Variants in SAMD5 observed in about 807,000 individuals in gnomAD.
SAMD5 encodes the protein sterile alpha motif domain-containing protein 5.
Under a neutral mutation model 11.3 loss-of-function variants are expected in SAMD5, and 13 were observed. The observed-to-expected ratio is 1.15, with a 90% CI of 0.75 to 1.83. The LOEUF is 1.83. Ranked by LOEUF, SAMD5 falls within the 40% of genes most tolerant of loss-of-function variation. SAMD5 has a pLI of 0.00. For missense variants in SAMD5, 255 were observed against 239.1 expected, an observed-to-expected ratio of 1.07 and a Z score of -0.44; for synonymous variants, 129 against 111.3, an observed-to-expected ratio of 1.16 and a Z score of -1.00.
chr6:147,679,730 A>G (rs1790914059), intron 1 of SAMD5, among the ~76,000 whole-genome samples: 1 of 151,886 alleles, frequency 6.6e-6, no homozygotes, highest in Non-Finnish European at 1.5e-5. Flanking sequence ...TGCCTAACCC[A>G]ATATATACTG....
At chr6:147,839,315 T>A in the SAMD5 span, among the ~76,000 whole-genome samples, 3 of 152,230 alleles carry the variant, frequency 2.0e-5, no homozygotes, top group Admixed American at 6.5e-5. Flanking sequence ...CAGAGTCCTG[T>A]TACTGTTTAG....
intron 1 of SAMD5, among the ~76,000 whole-genome samples, chr6:147,644,315 G>A (rs1790364229): frequency 6.6e-6 from 1 of 152,174 alleles, no homozygotes; most frequent in African/African-American, 2.4e-5. Flanking sequence ...GGAGAGTTGG[G>A]AGTGGACCTG....
the SAMD5 span, among the ~76,000 whole-genome samples, chr6:147,769,177 CAA>C: frequency 6.6e-6 from 1 of 152,206 alleles, no homozygotes; most frequent in Non-Finnish European, 1.5e-5. Context: ...AGACACAAAG[CAA>C]AGAGACTGTG....
chr6:147,590,730 C>A (rs1256439219), intron 1 of SAMD5, among the ~76,000 whole-genome samples: 1 of 152,080 alleles, frequency 6.6e-6, no homozygotes, highest in Non-Finnish European at 1.5e-5. Flanking sequence ...GTTTAATATA[C>A]CAAGACTAGA....
chr6:147,871,225 A>T, the SAMD5 span, among the ~76,000 whole-genome samples: 3 of 151,848 alleles, frequency 2.0e-5, no homozygotes, highest in East Asian at 3.9e-4. Context: ...AACAGGATCA[A>T]TTTTTTTTTA....
chr6:147,897,977 T>TAAAAA, the SAMD5 span, among the ~76,000 whole-genome samples: 1 of 92,942 alleles, frequency 1.1e-5, no homozygotes, highest in Admixed American at 1.4e-4. Flanking sequence ...AAAAAAAAAG[T>TAAAAA]AGCCAGGTGA....
At chr6:147,712,476 C>T (rs752170616) in intron 1 of SAMD5, among the ~76,000 whole-genome samples, 20 of 152,220 alleles carry the variant, frequency 1.3e-4, no homozygotes, top group African/African-American at 2.6e-4. Flanking sequence ...ATGTTTTTTC[C>T]GCTCCACTCA....
At chr6:147,774,592 A>G in the SAMD5 span, among the ~76,000 whole-genome samples, 1 of 151,918 alleles carries the variant, frequency 6.6e-6, no homozygotes, top group Non-Finnish European at 1.5e-5. Flanking sequence ...TATTATTTTT[A>G]TTGTTATATT....
the SAMD5 span, among the ~76,000 whole-genome samples, chr6:147,866,128 T>A: frequency 2.6e-5 from 4 of 151,996 alleles, no homozygotes; most frequent in Non-Finnish European, 4.4e-5. Context: ...TTTTTCCCGA[T>A]AAACTACTTC....
chr6:147,533,355 C>T (rs1346127544), intron 1 of SAMD5, among the ~76,000 whole-genome samples: 1 of 150,236 alleles, frequency 6.7e-6, no homozygotes, highest in Non-Finnish European at 1.5e-5. Flanking sequence ...TCAGCTACTC[C>T]GGAGGCTGAG....
rs115174307 is a variant in SAMD5 at position 147,734,940 on chromosome 6, T to C, written c.163-2377T>C. On this transcript the variant is annotated intron_variant, in intron 1 of 1. Transcript: ENST00000566741. The stretch of plus-strand genomic sequence containing the variant: ...CTCTTAATTCCATCATGACTTGATA[T>C]TGGCTGCCAAAATGATATATGTGCC... 6.6e-3 allele frequency among the ~76,000 whole-genome samples: 1,000 copies of C among 152,214 alleles called. 10 individuals are homozygous for C. Among genetic ancestry groups the C allele is most frequent in the African/African-American group, 0.023 (957 of 41,524 alleles).
intron 1 of SAMD5, among the ~76,000 whole-genome samples, chr6:147,630,880 C>A (rs560536996): frequency 1.3e-5 from 2 of 152,278 alleles, no homozygotes; most frequent in South Asian, 2.1e-4. Context: ...AAAACTCCAG[C>A]GCCAGTGATG....
the SAMD5 span, among the ~76,000 whole-genome samples, chr6:147,778,557 C>A: frequency 1.3e-5 from 2 of 152,106 alleles, no homozygotes; most frequent in Non-Finnish European, 2.9e-5. Flanking sequence ...TGGATTCATC[C>A]CTTCCTTTTC....
At chr6:147,920,948 C>T in the SAMD5 span, among the ~76,000 whole-genome samples, 15,354 of 152,170 alleles carry the variant, frequency 0.1, 1,049 homozygotes, top group South Asian at 0.29. Flanking sequence ...ACCTCTGTTA[C>T]AATTATTTTA....
the SAMD5 span, among the ~76,000 whole-genome samples, chr6:147,900,959 A>G: frequency 6.6e-6 from 1 of 152,184 alleles, no homozygotes; most frequent in African/African-American, 2.4e-5. Flanking sequence ...GTAGGGTCTA[A>G]GGGCTCAGAA....
chr6:147,877,936 T>TTTTATTTTTCTTTTTG, the SAMD5 span, among the ~76,000 whole-genome samples: 4 of 83,910 alleles, frequency 4.8e-5, no homozygotes, highest in African/African-American at 1.5e-4. Flanking sequence ...GATAGATAGA[T>TTTTATTTTTCTTTTTG]AGATAGATAG....
intron 1 of SAMD5, among the ~76,000 whole-genome samples, chr6:147,724,915 C>CA (rs966608272): frequency 1.4e-4 from 21 of 147,332 alleles, no homozygotes; most frequent in Admixed American, 4.6e-4. Flanking sequence ...AGCTCTGCCT[C>CA]AAAAAAACAA....
chr6:147,929,699 G>A, the SAMD5 span, among the ~76,000 whole-genome samples: 413 of 152,186 alleles, frequency 2.7e-3, no homozygotes, highest in Non-Finnish European at 3.6e-3. Context: ...GGGTTATGTT[G>A]GCAACTTATA....
At chr6:147,705,777 A>T (rs1562356382) in intron 1 of SAMD5, among the ~76,000 whole-genome samples, 1 of 152,210 alleles carries the variant, frequency 6.6e-6, no homozygotes, top group African/African-American at 2.4e-5. Flanking sequence ...TTTGGGCATA[A>T]TTATCTGCTG....
Sources: gnomAD v4.1 joint callset for allele counts (sites outside exome capture counted in the v4.1 genomes callset) on GRCh38, gnomAD v4.1.1 for gene constraint, MANE v1.5 for transcripts, NCBI Gene and HGNC (gene_info 2026-07-23, HGNC 2026-07-21) for gene names.